The following CACNA1E variants were observed in gnomAD, a reference collection of about 807,000 sequenced individuals.
CACNA1E encodes voltage-dependent R-type calcium channel subunit alpha-1E.
In CACNA1E, 40 loss-of-function variants were observed where a neutral mutation model predicts 259.2. That is an observed-to-expected ratio of 0.15 (90% confidence interval 0.12 to 0.20). The LOEUF is 0.20. Among genes scored for constraint, CACNA1E ranks in the 10% least tolerant of loss-of-function variants. The pLI is 1.00. For missense variants in CACNA1E, 1,874 were observed against 3,040.1 expected (o/e 0.62, Z 9.02); for synonymous variants, 1,104 against 1,138.5 (o/e 0.97, Z 0.61).
rs188851921 is a variant in CACNA1E, at chr1:181,634,927, T to C, written c.952-16411T>C. ...GCCTCTACGATGGGCTCTCTCTCCTTTTCCTCATAAGCCGATCATTCTTTT... is the reference window on the plus strand; with the variant it reads ...GCCTCTACGATGGGCTCTCTCTCCTCTTCCTCATAAGCCGATCATTCTTTT... On this transcript the variant is annotated intron_variant, in intron 6 of 47. Transcript: ENST00000367573. Among the ~76,000 whole-genome samples the C allele has an allele frequency of 2.5e-3, 382 of 152,302 alleles. 2 individuals are homozygous for C. The highest frequency in any genetic ancestry group is 8.8e-3 in the African/African-American group (365 of 41,554).
intron 7 of CACNA1E, among the ~76,000 whole-genome samples, chr1:181,699,622 G>A (rs1558280426): frequency 6.6e-6 from 1 of 152,178 alleles, no homozygotes. Flanking sequence ...TAGGGGGATT[G>A]GGACAAAGAT....
intron 3 of CACNA1E, among the ~76,000 whole-genome samples, chr1:181,548,129 C>CTTTTTTTTCTTT (rs537628921): frequency 2.2e-4 from 29 of 133,336 alleles, no homozygotes; most frequent in Non-Finnish European, 2.9e-4. Context: ...CTTTTTTTTT[C>CTTTTTTTTCTTT]TTTTTTTTTT....
intron 3 of CACNA1E, among the ~76,000 whole-genome samples, chr1:181,527,625 C>A (rs1391451219): frequency 1.3e-5 from 2 of 152,170 alleles, no homozygotes; most frequent in Non-Finnish European, 2.9e-5. Flanking sequence ...TATATATGGT[C>A]TTCTTTTTCT....
In CACNA1E at chr1:181,732,314, C is replaced by T; in HGVS notation, c.2298-70C>T. 2 of 1,453,732 alleles carry T rather than the reference C, an allele frequency of 1.4e-6. No individual in the cohort carries two copies. The allele number at this position is 1,453,732 out of a possible 1,614,324, so 90.1% of individuals were successfully genotyped here. A position where few individuals can be genotyped will look rare whatever the true frequency, so the allele number is the denominator to read the frequency against. Reference sequence around the variant, plus strand: ...CCATGTGTCCTGCCCTCTCACATGGCCCCTGTGGCCACCCTCCCTGCCTGC... The same window carrying T: ...CCATGTGTCCTGCCCTCTCACATGGTCCCTGTGGCCACCCTCCCTGCCTGC... On this transcript the variant is annotated intron_variant, in intron 19 of 47. Transcript: ENST00000367573. The surrounding 1 kb of genome is among the most constrained non-coding windows in gnomAD (Gnocchi z 5.5).
At chr1:181,507,051 CA>C (rs11286400) in intron 1 of CACNA1E, among the ~76,000 whole-genome samples, 21,703 of 147,320 alleles carry the variant, frequency 0.15, 1,673 homozygotes, top group Non-Finnish European at 0.18. Flanking sequence ...AAATGTAAAG[CA>C]AAAAAAAAAA....
In CACNA1E at chr1:181,776,401, A is replaced by T. The variant is rs1659979774; in HGVS notation, c.5267+173A>T. The T allele has an allele frequency of 1.6e-6, 1 of 622,404 alleles. No homozygotes were observed. Among genetic ancestry groups the T allele is most frequent in the African/African-American group, 1.8e-5 (1 of 54,320 alleles). 38.6% of individuals were successfully genotyped at this position (622,404 alleles called of 1,614,324 possible). ...TCTGGTATCAAGCCAGTCACCAAGG[A>T]CTTCTGTATCCTCCTTTCCCCTCTC... On this transcript the variant is annotated intron_variant, in intron 38 of 47. Transcript: ENST00000367573. This position sits in a 1 kb window ranked among gnomAD's most constrained non-coding sequence, Gnocchi z 4.4.
chr1:181,534,937 C>T (rs908339364), intron 3 of CACNA1E, among the ~76,000 whole-genome samples: 5 of 151,804 alleles, frequency 3.3e-5, no homozygotes, highest in Admixed American at 3.3e-4. Flanking sequence ...TAAAATGACA[C>T]TAGAAAATTG....
chr1:181,686,843 C>T (rs558569891), intron 7 of CACNA1E, among the ~76,000 whole-genome samples: 2 of 152,274 alleles, frequency 1.3e-5, no homozygotes, highest in African/African-American at 4.8e-5. Context: ...GTTTGGAAAA[C>T]AGGCTTGTGG....
Position 181,732,010 on chromosome 1 carries a change from G to A in CACNA1E, c.2298-374G>A, listed in dbSNP as rs988961408. ...GACCTTTGACCTTGAATCAAGGGCC[G>A]TTGAGTGTGTACAAGCAGATGCCCC... On this transcript the variant is annotated intron_variant, in intron 19 of 47. Transcript: ENST00000367573. This position sits in a 1 kb window ranked among gnomAD's most constrained non-coding sequence, Gnocchi z 5.5. Among the ~76,000 whole-genome samples the A allele has an allele frequency of 5.3e-5, 8 of 151,964 alleles. No individual in the cohort carries two copies. The highest frequency in any genetic ancestry group is 1.4e-4 in the African/African-American group (6 of 41,444).
intron 27 of CACNA1E, 82 bp downstream of exon 27, chr1:181,752,321 A>G (rs1321286482): frequency 7.9e-6 from 8 of 1,015,044 alleles, no homozygotes; most frequent in Non-Finnish European, 1.1e-5. Context: ...CCTTTGGAGA[A>G]TTTGTTCTGG....
At chr1:181,600,676 G>T (rs558272951) in intron 6 of CACNA1E, among the ~76,000 whole-genome samples, 1 of 152,114 alleles carries the variant, frequency 6.6e-6, no homozygotes, top group African/African-American at 2.4e-5. Flanking sequence ...GGGGCAGGAT[G>T]GTTGAGCAAG....
chr1:181,654,821 A>G (rs1477895511), intron 7 of CACNA1E, among the ~76,000 whole-genome samples: 2 of 151,812 alleles, frequency 1.3e-5, no homozygotes, highest in Non-Finnish European at 2.9e-5. Context: ...TGTCTCTACT[A>G]AAAATACAAA....
At position 181,802,954 on chromosome 1, in the gene CACNA1E, G is replaced by A. The variant is rs1662382358; in HGVS notation, c.*4120G>A. The A allele has an allele frequency of 6.6e-6, 1 of 152,188 alleles. No individual in the cohort carries two copies. Among genetic ancestry groups the A allele is most frequent in the African/African-American group, 2.4e-5 (1 of 41,450 alleles). 9.4% of individuals were successfully genotyped at this position (152,188 alleles called of 1,614,324 possible). A position where few individuals can be genotyped will look rare whatever the true frequency, so the allele number is the denominator to read the frequency against. On this transcript the variant is annotated 3_prime_UTR_variant, in exon 48 of 48. Transcript: ENST00000367573. ...TTATGAGGTTGTATGTAAAGAAAGG[G>A]CAAACGTACAGCAGAAGGGGAGCAA...
rs181327174 is a variant in CACNA1E at position 181,568,881 on chromosome 1, C to A, written c.513-8885C>A. 1.5e-3 allele frequency among the ~76,000 whole-genome samples: 225 copies of A among 152,340 alleles called. 1 individual carries two copies. The highest frequency in any genetic ancestry group is 5.1e-3 in the African/African-American group (214 of 41,560). On this transcript the variant is annotated intron_variant, in intron 3 of 47. Coordinates refer to ENST00000367573, the MANE Select transcript of CACNA1E (RefSeq NM_001205293.3). ...TGGCCTCCATTAAGTGCTGGGATTA[C>A]AGGCGTGAGCCACTGTGCCTGGCCC...
In CACNA1E at chr1:181,793,513, A is replaced by AACACAC. The variant is rs533604876; in HGVS notation, c.5899-144_5899-139dup. On this transcript the variant is annotated intron_variant, in intron 44 of 47. Transcript: ENST00000367573. ...AACATATAGCACATAGGTGCACATA[A>AACACAC]ACACACACACACATATACATACAAC... Among the ~76,000 whole-genome samples, 22 of 152,226 alleles carry AACACAC rather than the reference A, an allele frequency of 1.4e-4. No homozygotes were observed. In the East Asian group the frequency reaches 3.9e-3, roughly 27 times the overall value.
At chr1:181,726,841 G>A (rs940161027) in intron 18 of CACNA1E, among the ~76,000 whole-genome samples, 1 of 152,148 alleles carries the variant, frequency 6.6e-6, no homozygotes, top group Admixed American at 6.5e-5. Flanking sequence ...AGACTAGGGT[G>A]GGGGAAGTCA....
intron 1 of CACNA1E, among the ~76,000 whole-genome samples, chr1:181,356,113 G>T (rs1230056603): frequency 1.3e-5 from 2 of 152,130 alleles, no homozygotes; most frequent in Non-Finnish European, 2.9e-5. Flanking sequence ...CACAGTGCCT[G>T]GTGCCCTGCA....
intron 1 of CACNA1E, among the ~76,000 whole-genome samples, chr1:181,350,364 G>T (rs1340648494): frequency 1.3e-5 from 2 of 152,122 alleles, no homozygotes; most frequent in African/African-American, 4.8e-5. Context: ...CCCAAGAACA[G>T]GGCAAAAAGG....
In CACNA1E at chr1:181,758,737, C is replaced by T. The variant is rs1357874202; in HGVS notation, c.4495-21C>T. 1 of 1,346,432 alleles carries T rather than the reference C, an allele frequency of 7.4e-7. No homozygotes were observed. The highest frequency in any genetic ancestry group is 1.1e-6 in the Non-Finnish European group (1 of 942,274). The allele number at this position is 1,346,432 out of a possible 1,614,324, so 83.4% of individuals were successfully genotyped here. A position where few individuals can be genotyped will look rare whatever the true frequency, so the allele number is the denominator to read the frequency against. ...ACCTTAAGGCTGTGATTCTTTCTCT[C>T]TTCTTTTTTCTTCCTGGCAGTATTA... On this transcript the variant is annotated intron_variant, in intron 31 of 47. Transcript: ENST00000367573. The surrounding 1 kb of genome is among the most constrained non-coding windows in gnomAD (Gnocchi z 4.2).
Sources: allele counts gnomAD v4.1 joint callset (sites outside exome capture counted in the v4.1 genomes callset), GRCh38; gene constraint gnomAD v4.1.1; non-coding constraint Gnocchi (gnomAD v3.1); transcripts MANE v1.5; gene names NCBI Gene and HGNC (gene_info 2026-07-23, HGNC 2026-07-21).